Variants in MSRB3 observed in about 807,000 individuals in gnomAD.
MSRB3 encodes methionine-R-sulfoxide reductase B3.
Under a neutral mutation model 21.0 loss-of-function variants are expected in MSRB3, and 13 were observed. The observed-to-expected ratio is 0.62, with a 90% CI of 0.40 to 0.98. The LOEUF is 0.98. MSRB3 is among the 50% of genes least tolerant of loss of function. MSRB3 has a pLI of 0.00. For synonymous variants in MSRB3, 87 were observed against 88.6 expected, an observed-to-expected ratio of 0.98 and a Z score of 0.10; for missense variants, 199 against 230.3, an observed-to-expected ratio of 0.86 and a Z score of 0.88.
chr12:65,379,742 C>G (rs1174493247), intron 5 of MSRB3, among the ~76,000 whole-genome samples: 1 of 152,066 alleles, frequency 6.6e-6, no homozygotes, highest in African/African-American at 2.4e-5. Context: ...ATATTTTGCT[C>G]CAAGTTTGGC....
intron 1 of MSRB3, among the ~76,000 whole-genome samples, chr12:65,304,116 T>C (rs1032850118): frequency 3.9e-5 from 6 of 152,184 alleles, no homozygotes; most frequent in African/African-American, 1.4e-4. Context: ...AGGGGTTTTG[T>C]ATGATGAGAA....
In MSRB3 at chr12:65,457,839, C is replaced by T. The variant is rs140550778; in HGVS notation, c.390+4014C>T. ...AAGACATTTATGCAGCCAGCTTCTC[C>T]CATTTTTTAAGAGTTTTATTTTATT... is the stretch of plus-strand genomic sequence containing the variant. On this transcript the variant is annotated intron_variant, in intron 6 of 6. Transcript: ENST00000308259. Among the ~76,000 whole-genome samples the T allele has an allele frequency of 8.6e-3, 1,300 of 151,612 alleles. 21 individuals carry two copies. The highest frequency in any genetic ancestry group is 0.03 in the African/African-American group (1,226 of 41,418).
At chr12:65,443,077 A>G (rs1882457189) in intron 5 of MSRB3, among the ~76,000 whole-genome samples, 1 of 152,092 alleles carries the variant, frequency 6.6e-6, no homozygotes, top group African/African-American at 2.4e-5. Flanking sequence ...AGTTGCCGAG[A>G]CATTTTGAGA....
In MSRB3 at chr12:65,431,695, A is replaced by G. The variant is rs141111099; in HGVS notation, c.293-22033A>G. 3.8e-3 allele frequency among the ~76,000 whole-genome samples: 571 copies of G among 152,198 alleles called. 5 individuals carry two copies. Among genetic ancestry groups the G allele is most frequent in the African/African-American group, 0.011 (471 of 41,560 alleles). ...ATTTGAAAAATCCTGGGAAGTGAAC[A>G]TGATACTTTTTGACATGCGAGTTTC... On this transcript the variant is annotated intron_variant, in intron 5 of 6. Transcript: ENST00000308259.
At chr12:65,308,944 A>G in intron 2 of MSRB3, 1 of 460,270 alleles carries the variant, frequency 2.2e-6, no homozygotes, top group South Asian at 2.5e-5. Context: ...GCAAATCATA[A>G]CGTTCATAAG....
intron 5 of MSRB3, among the ~76,000 whole-genome samples, chr12:65,428,381 T>G (rs1592629247): frequency 6.6e-6 from 1 of 152,290 alleles, no homozygotes; most frequent in East Asian, 1.9e-4. Context: ...GGGGTTATTT[T>G]GTTTGGAGAT....
At chr12:65,394,194 A>G (rs897671239) in intron 5 of MSRB3, among the ~76,000 whole-genome samples, 24 of 151,894 alleles carry the variant, frequency 1.6e-4, no homozygotes. Flanking sequence ...TTGAATTTTA[A>G]TTTTATTTTA....
intron 4 of MSRB3, among the ~76,000 whole-genome samples, chr12:65,345,752 C>T (rs1876455016): frequency 1.3e-5 from 2 of 152,096 alleles, no homozygotes; most frequent in Non-Finnish European, 2.9e-5. Context: ...CCACAACACG[C>T]CACGGTGTGT....
Position 65,308,532 on chromosome 12 carries a change from T to C in MSRB3, c.-48T>C. ...TTTTGTTTTTTCTCCTACTCAGCTC[T>C]TGCCCCTGTTCTTTGCTTCTCGTTT... On this transcript the variant is annotated 5_prime_UTR_variant, in exon 2 of 7. Transcript: ENST00000308259. 6.2e-7 allele frequency: 1 copy of C among 1,613,802 alleles called. No individual in the cohort carries two copies. The highest frequency in any genetic ancestry group is 1.1e-5 in the South Asian group (1 of 91,082).
chr12:65,335,081 C>G (rs978545287), intron 4 of MSRB3, among the ~76,000 whole-genome samples: 4 of 152,132 alleles, frequency 2.6e-5, no homozygotes, highest in African/African-American at 9.7e-5. Context: ...TGCTGAATAT[C>G]AGGCCAGATG....
intron 1 of MSRB3, among the ~76,000 whole-genome samples, chr12:65,290,831 G>T (rs1009850115): frequency 6.6e-6 from 1 of 152,080 alleles, no homozygotes; most frequent in Non-Finnish European, 1.5e-5. Flanking sequence ...GTTAAGTAAT[G>T]AATATTTTAA....
intron 2 of MSRB3, among the ~76,000 whole-genome samples, chr12:65,322,401 G>A (rs1392874665): frequency 1.3e-5 from 2 of 152,094 alleles, no homozygotes; most frequent in African/African-American, 4.8e-5. Flanking sequence ...GCTCACACCT[G>A]TAATCCCAGC....
chr12:65,376,302 G>A (rs918887150), intron 5 of MSRB3, among the ~76,000 whole-genome samples: 1 of 152,000 alleles, frequency 6.6e-6, no homozygotes, highest in African/African-American at 2.4e-5. Flanking sequence ...TGTATTTTTA[G>A]TAGAGACGGG....
chr12:65,406,898 G>A (rs1240167871), intron 5 of MSRB3, among the ~76,000 whole-genome samples: 2 of 152,152 alleles, frequency 1.3e-5, no homozygotes, highest in Non-Finnish European at 2.9e-5. Context: ...CCTGGCACCC[G>A]AGGCACTATC....
At chr12:65,341,976 G>C (rs370246478) in intron 4 of MSRB3, among the ~76,000 whole-genome samples, 1 of 151,700 alleles carries the variant, frequency 6.6e-6, no homozygotes, top group Non-Finnish European at 1.5e-5. Context: ...CATTTGTAAG[G>C]GTATAGAAGA....
chr12:65,367,926 C>CAT (rs1226485543), intron 4 of MSRB3, among the ~76,000 whole-genome samples: 1 of 151,704 alleles, frequency 6.6e-6, no homozygotes, highest in African/African-American at 2.4e-5. Flanking sequence ...TATACACACA[C>CAT]ACACATACAC....
intron 4 of MSRB3, among the ~76,000 whole-genome samples, chr12:65,337,111 C>T (rs1409648401): frequency 2.0e-5 from 3 of 152,020 alleles, no homozygotes; most frequent in East Asian, 1.9e-4. Context: ...GGCGCAGTGG[C>T]GGGCGCCTGT....
chr12:65,324,974 GA>G (rs924594222), intron 2 of MSRB3, among the ~76,000 whole-genome samples: 3 of 151,700 alleles, frequency 2.0e-5, no homozygotes, highest in African/African-American at 7.2e-5. Context: ...TTATGCCATT[GA>G]AAAGAATAAT....
intron 5 of MSRB3, among the ~76,000 whole-genome samples, chr12:65,426,967 T>A (rs1182791849): frequency 6.6e-6 from 1 of 152,258 alleles, no homozygotes; most frequent in African/African-American, 2.4e-5. Context: ...TTTCTCTATA[T>A]TGTATTGAAG....
Sources: allele counts gnomAD v4.1 joint callset (sites outside exome capture counted in the v4.1 genomes callset), GRCh38; gene constraint gnomAD v4.1.1; transcripts MANE v1.5; gene names NCBI Gene and HGNC (gene_info 2026-07-23, HGNC 2026-07-21).